Variants in ABCC9 observed in about 807,000 individuals in gnomAD.
ABCC9 encodes the protein ATP binding cassette subfamily C member 9, also known as ATP-binding cassette sub-family C member 9.
A neutral mutation model predicts 188.3 loss-of-function variants in ABCC9; 95 were observed. The ratio of observed to expected loss-of-function variants is 0.50; its 90% CI spans 0.43 to 0.60. ABCC9 has a LOEUF of 0.60. ABCC9 is among the 20% of genes least tolerant of loss of function. The pLI is 0.00. For missense variants in ABCC9, 1,102 were observed against 1,876.3 expected (o/e 0.59, Z 7.62); for synonymous variants, 659 against 652.7 (o/e 1.01, Z -0.15).
chr12:21,866,792 A>G (rs532790554), intron 18 of ABCC9, among the ~76,000 whole-genome samples: 1 of 152,276 alleles, frequency 6.6e-6, no homozygotes, highest in African/African-American at 2.4e-5. Flanking sequence ...CATTGGTGAG[A>G]CCCTCTCATC....
intron 34 of ABCC9, 117 bp downstream of exon 34, chr12:21,815,646 A>T: frequency 7.8e-7 from 1 of 1,281,376 alleles, no homozygotes; most frequent in Non-Finnish European, 1.1e-6. Context: ...AATTTGACCT[A>T]CATCAGGTAG....
intron 30 of ABCC9, among the ~76,000 whole-genome samples, chr12:21,837,857 T>C (rs561652964): frequency 1.3e-5 from 2 of 152,298 alleles, no homozygotes; most frequent in African/African-American, 2.4e-5. Flanking sequence ...CTAGTATTTT[T>C]CCTATCTGTT....
Position 21,815,837 on chromosome 12 carries a change from G to C in ABCC9, c.3949C>G (p.Leu1317Val), listed in dbSNP as rs773431560. 1.9e-6 allele frequency: 3 copies of C among 1,613,412 alleles called. No individual in the cohort carries two copies. The highest frequency in any genetic ancestry group is 1.7e-4 in the Middle Eastern group (1 of 6,048). Reference protein sequence around the residue: ...PQEGEIKIHDLCVRYENNLKP... With the variant: ...PQEGEIKIHDVCVRYENNLKP... ...AGATTATTTTCATATCTGACACACA[G>C]ATCATGTATCTTGATCTCCCCTTCT... Residue 1317 changes from leucine (L) to valine (V), a missense_variant, in exon 34 of 40, where the codon CTG becomes GTG. Coordinates refer to ENST00000261200, the MANE Select transcript of ABCC9 (RefSeq NM_020297.4).
chr12:21,816,259 G>T (rs958615230), intron 33 of ABCC9, among the ~76,000 whole-genome samples: 3 of 151,774 alleles, frequency 2.0e-5, no homozygotes, highest in East Asian at 1.9e-4. Context: ...CAGTCAGTTG[G>T]TCATTAAACA....
At chr12:21,820,090 T>C (rs1416846971) in intron 31 of ABCC9, among the ~76,000 whole-genome samples, 1 of 152,214 alleles carries the variant, frequency 6.6e-6, no homozygotes, top group Non-Finnish European at 1.5e-5. Context: ...AATTTTTTCC[T>C]TTCAGCCAGT....
chr12:21,874,497 C>T (rs1021338960), intron 17 of ABCC9, among the ~76,000 whole-genome samples: 1 of 152,158 alleles, frequency 6.6e-6, no homozygotes, highest in African/African-American at 2.4e-5. Flanking sequence ...ATCCAGCAAT[C>T]CCACTTCTGG....
Position 21,860,935 on chromosome 12 carries a change from T to G in ABCC9, c.2424+36A>C, listed in dbSNP as rs200534186. On this transcript the variant is annotated intron_variant, in intron 21 of 39. Coordinates refer to ENST00000261200, the MANE Select transcript of ABCC9 (RefSeq NM_020297.4). ...GACAACCAGAAGACTTTTCTAGATTTTTGTTCATTGCTTAATGAAACTATA... is the reference window on the plus strand; with the variant it reads ...GACAACCAGAAGACTTTTCTAGATTGTTGTTCATTGCTTAATGAAACTATA... 4.8e-5 allele frequency: 72 copies of G among 1,505,916 alleles called. No individual in the cohort carries two copies. In the African/African-American group the frequency reaches 8.5e-4, roughly 18 times the overall value. The allele number at this position is 1,505,916 out of a possible 1,614,324, so 93.3% of individuals were successfully genotyped here.
chr12:21,846,710 T>C (rs938767307), intron 25 of ABCC9, among the ~76,000 whole-genome samples: 1 of 152,124 alleles, frequency 6.6e-6, no homozygotes, highest in Non-Finnish European at 1.5e-5. Context: ...CAGGGGTATG[T>C]CCTTTGTGTG....
rs926366090 is a variant in ABCC9, at chr12:21,917,249, A to G, written c.407-146T>C. ...GTTTTACTTGGTAAGAAAACAACAT[A>G]TATGATTTAGTGTACTTCTGGAGTT... On this transcript the variant is annotated intron_variant, in intron 5 of 39. Transcript: ENST00000261200. 1.6e-5 allele frequency: 14 copies of G among 874,494 alleles called. 1 individual carries two copies. The Admixed American group carries it at 2.9e-4, about 18-fold the overall frequency. 54.2% of individuals were successfully genotyped at this position (874,494 alleles called of 1,614,324 possible).
intron 14 of ABCC9, among the ~76,000 whole-genome samples, chr12:21,891,539 T>C (rs1171597333): frequency 6.6e-6 from 1 of 152,080 alleles, no homozygotes; most frequent in African/African-American, 2.4e-5. Context: ...TCTCAGCCAT[T>C]GAATGCCATG....
At chr12:21,886,702 A>T (rs907904865) in intron 15 of ABCC9, among the ~76,000 whole-genome samples, 1 of 152,054 alleles carries the variant, frequency 6.6e-6, no homozygotes, top group African/African-American at 2.4e-5. Flanking sequence ...TCCATGGCTT[A>T]CGAGGGCCCT....
chr12:21,848,520 T>C (rs947820379), intron 24 of ABCC9, among the ~76,000 whole-genome samples: 31 of 152,136 alleles, frequency 2.0e-4, no homozygotes, highest in African/African-American at 6.8e-4. Flanking sequence ...CAGGGTGATA[T>C]CTCCCTGAGC....
intron 3 of ABCC9, among the ~76,000 whole-genome samples, chr12:21,935,355 T>C (rs1949444991): frequency 6.6e-6 from 1 of 152,178 alleles, no homozygotes; most frequent in African/African-American, 2.4e-5. Flanking sequence ...TTAGCATCTG[T>C]ACATTTGTTC....
chr12:21,834,179 T>C (rs1348738976), intron 30 of ABCC9, among the ~76,000 whole-genome samples: 1 of 152,234 alleles, frequency 6.6e-6, no homozygotes, highest in Non-Finnish European at 1.5e-5. Context: ...GTTATTACTA[T>C]TGACCATTCA....
Position 21,798,601 on chromosome 12 carries a change from C to T in ABCC9, c.*2443G>A, listed in dbSNP as rs1163192683. 2.0e-5 allele frequency: 3 copies of T among 151,268 alleles called. No individual in the cohort carries two copies. Among genetic ancestry groups the T allele is most frequent in the African/African-American group, 7.3e-5 (3 of 41,044 alleles). The allele number at this position is 151,268 out of a possible 1,614,324, so 9.4% of individuals were successfully genotyped here. On this transcript the variant is annotated 3_prime_UTR_variant, in exon 40 of 40. Transcript: ENST00000261200. ...TGAGTAGGTTGCGAAAATTTTCTCC[C>T]ATGTTGTAGGTTGCCTGTTCACTCT...
intron 12 of ABCC9, among the ~76,000 whole-genome samples, chr12:21,901,598 G>C (rs1947754064): frequency 6.6e-6 from 1 of 152,036 alleles, no homozygotes; most frequent in Non-Finnish European, 1.5e-5. Flanking sequence ...CAAAATAAAG[G>C]GATGGAGGAA....
In ABCC9 at chr12:21,894,033, T is replaced by C; in HGVS notation, c.1801A>G (p.Ser601Gly). ...VVRFAVKAII[S>G]VQKLNEFLLS... ...AATGCCAGACACTTCAGTGCATACC[T>C]TATGATGGCTTTGACTGCAAATCTG... is the stretch of plus-strand genomic sequence containing the variant. The change falls in exon 14 of 40, where the codon AGT becomes GGT. Residue 601 changes from serine to glycine, a missense_variant and splice_region_variant. Ser to Gly is a moderately conservative substitution (Grantham distance 56). Coordinates refer to ENST00000261200, the MANE Select transcript of ABCC9 (RefSeq NM_020297.4). The C allele has an allele frequency of 1.2e-6, 2 of 1,613,986 alleles. No homozygotes were observed. The highest frequency in any genetic ancestry group is 1.7e-6 in the Non-Finnish European group (2 of 1,179,980).
At chr12:21,915,223 A>ATGTGTGTGTGTG (rs1177922394) in intron 7 of ABCC9, among the ~76,000 whole-genome samples, 23 of 117,182 alleles carry the variant, frequency 2.0e-4, no homozygotes, top group African/African-American at 6.6e-4. Context: ...CTTTATATAT[A>ATGTGTGTGTGTG]TATGTGTGTG....
intron 39 of ABCC9, among the ~76,000 whole-genome samples, chr12:21,802,744 C>T (rs995625008): frequency 1.3e-5 from 2 of 152,050 alleles, no homozygotes; most frequent in African/African-American, 2.4e-5. Flanking sequence ...CTAAAAATGC[C>T]ATCTGTTTAG....
Sources: gnomAD v4.1 joint callset for allele counts (sites outside exome capture counted in the v4.1 genomes callset) on GRCh38, gnomAD v4.1.1 for gene constraint, MANE v1.5 for transcripts, NCBI Gene and HGNC (gene_info 2026-07-23, HGNC 2026-07-21) for gene names.